VGLL4: variants seen among roughly 807,000 people sequenced by gnomAD.
The protein encoded by VGLL4 is transcription cofactor vestigial-like protein 4.
VGLL4 carries 7 observed loss-of-function variants against 21.0 expected under a neutral mutation model. The ratio of observed to expected loss-of-function variants is 0.33; its 90% CI spans 0.19 to 0.63. The LOEUF (loss-of-function observed/expected upper bound fraction) is 0.63, where lower values mean the gene tolerates loss of function less well. VGLL4 is among the 20% of genes least tolerant of loss of function. The pLI, the probability that VGLL4 is intolerant of heterozygous loss-of-function variation, is 0.78. For synonymous variants in VGLL4, 222 were observed against 173.2 expected (o/e 1.28, Z -2.21); for missense variants, 394 against 425.7 (o/e 0.93, Z 0.66).
intron 3 of VGLL4, among the ~76,000 whole-genome samples, chr3:11,564,336 C>T (rs911679581): frequency 2.6e-5 from 4 of 152,174 alleles, no homozygotes; most frequent in African/African-American, 9.7e-5. Context: ...CTGTGCAGGA[C>T]CCCAGCCCAA....
intron 2 of VGLL4, among the ~76,000 whole-genome samples, chr3:11,668,852 C>T (rs2076164205): frequency 6.6e-6 from 1 of 152,158 alleles, no homozygotes; most frequent in South Asian, 2.1e-4. Flanking sequence ...ACTAACCATC[C>T]CATTACCTGT....
chr3:11,558,375 T>G lies in VGLL4; in HGVS notation c.*181A>C. ...CTGCTATCATGTTTGAGGGCCCCCT[T>G]GTACGGATACCAAGCAAGTACAAAA... On this transcript the variant is annotated 3_prime_UTR_variant, in exon 5 of 5. Transcript: ENST00000430365. The G allele has an allele frequency of 9.7e-7, 1 of 1,027,304 alleles. No homozygotes were observed. The highest frequency in any genetic ancestry group is 1.7e-5 in the South Asian group (1 of 58,130). 63.6% of individuals were successfully genotyped at this position (1,027,304 alleles called of 1,614,324 possible).
At chr3:11,704,800 T>C (rs905423682) in intron 1 of VGLL4, among the ~76,000 whole-genome samples, 10 of 152,086 alleles carry the variant, frequency 6.6e-5, no homozygotes, top group Admixed American at 3.9e-4. Context: ...AAAACGCATC[T>C]CAGGGAACAT....
At chr3:11,561,385 C>T (rs1378508602) in intron 3 of VGLL4, among the ~76,000 whole-genome samples, 1 of 152,204 alleles carries the variant, frequency 6.6e-6, no homozygotes, top group Non-Finnish European at 1.5e-5. Flanking sequence ...TATCAGACCA[C>T]CTTCAGGGCA....
At chr3:11,573,353 A>G (rs1003250909) in intron 2 of VGLL4, among the ~76,000 whole-genome samples, 107 of 100,874 alleles carry the variant, frequency 1.1e-3, no homozygotes, top group African/African-American at 2.7e-3. Context: ...GAAAGAAAGA[A>G]AGAAAGAAAG....
intron 2 of VGLL4, among the ~76,000 whole-genome samples, chr3:11,701,270 T>C (rs1435958527): frequency 6.6e-6 from 1 of 152,190 alleles, no homozygotes; most frequent in Non-Finnish European, 1.5e-5. Flanking sequence ...CTCTTCCTCT[T>C]TCTTGCCCTT....
rs1356001608 is a variant in VGLL4 at position 11,653,718 on chromosome 3, T to C, written c.64+49253A>G. 6.6e-6 allele frequency among the ~76,000 whole-genome samples: 1 copy of C among 152,230 alleles called. No homozygotes were observed. The highest frequency in any genetic ancestry group is 1.5e-5 in the Non-Finnish European group (1 of 68,034). ...GCCAAATAGTTTTCCACAGCAGTTGTACCCGTTTATACTCCTACCAGCAGG... is the reference window on the plus strand; with the variant it reads ...GCCAAATAGTTTTCCACAGCAGTTGCACCCGTTTATACTCCTACCAGCAGG... On this transcript the variant is annotated intron_variant, in intron 2 of 5. Transcript: ENST00000273038. The surrounding 1 kb of genome is among the most constrained non-coding windows in gnomAD (Gnocchi z 4.2).
intron 2 of VGLL4, among the ~76,000 whole-genome samples, chr3:11,649,584 T>G (rs2075839166): frequency 1.3e-5 from 2 of 152,216 alleles, no homozygotes; most frequent in African/African-American, 4.8e-5. Flanking sequence ...AGCTTACATA[T>G]CTCATGATAT....
intron 2 of VGLL4, among the ~76,000 whole-genome samples, chr3:11,700,602 C>T (rs2076668122): frequency 6.6e-6 from 1 of 152,124 alleles, no homozygotes; most frequent in African/African-American, 2.4e-5. Context: ...TCCTCCTAAT[C>T]CTCATCAGAT....
chr3:11,710,276 C>T (rs1444037304), intron 1 of VGLL4, among the ~76,000 whole-genome samples: 1 of 152,156 alleles, frequency 6.6e-6, no homozygotes, highest in Non-Finnish European at 1.5e-5. Context: ...GGGAACAGCA[C>T]TGTGGGGTAT....
chr3:11,589,489 T>A (rs13078952), intron 2 of VGLL4, among the ~76,000 whole-genome samples: 78,909 of 152,058 alleles, frequency 0.52, 22,895 homozygotes, highest in Non-Finnish European at 0.68. Flanking sequence ...AGTCTGAAGG[T>A]TTGTGATAAG....
At chr3:11,578,892 A>G (rs112126611) in intron 2 of VGLL4, among the ~76,000 whole-genome samples, 26,572 of 151,390 alleles carry the variant, frequency 0.18, 2,543 homozygotes, top group East Asian at 0.33. Flanking sequence ...TGGGACTACA[A>G]GCGCCCGCCA....
chr3:11,702,764 G>T, intron 2 of VGLL4: 1 of 306,366 alleles, frequency 3.3e-6, no homozygotes, highest in Non-Finnish European at 5.9e-6. Flanking sequence ...AAACAAACCA[G>T]TATCCATAGT....
intron 2 of VGLL4, among the ~76,000 whole-genome samples, chr3:11,601,244 G>A (rs989812680): frequency 2.6e-5 from 4 of 152,250 alleles, no homozygotes; most frequent in Non-Finnish European, 5.9e-5. Flanking sequence ...GACAGTGTCA[G>A]TGGCAGATCA....
chr3:11,664,193 G>A (rs976060329), intron 2 of VGLL4, among the ~76,000 whole-genome samples: 4 of 151,474 alleles, frequency 2.6e-5, no homozygotes, highest in African/African-American at 9.7e-5. Flanking sequence ...AGCCCAGATC[G>A]CACCACTGCA....
intron 2 of VGLL4, among the ~76,000 whole-genome samples, chr3:11,656,919 G>C (rs1162570613): frequency 6.6e-6 from 1 of 152,176 alleles, no homozygotes; most frequent in African/African-American, 2.4e-5. Context: ...AGGAAGGACT[G>C]ACCCGAGGAG....
rs1163546081 is a variant in VGLL4, at chr3:11,643,687, G to C, written c.-169C>G. ...CAAAAGTTAAAAAAAAAAAAATCAG[G>C]CACAAAAAAATCGAGCTCACACGAA... On this transcript the variant is annotated 5_prime_UTR_variant, in exon 1 of 5. Coordinates refer to ENST00000430365, the MANE Select transcript of VGLL4 (RefSeq NM_001128219.3). The C allele has an allele frequency of 7.0e-7, 1 of 1,429,536 alleles. No homozygotes were observed. Among genetic ancestry groups the C allele is most frequent in the Non-Finnish European group, 9.1e-7 (1 of 1,098,306 alleles). The allele number at this position is 1,429,536 out of a possible 1,614,324, so 88.6% of individuals were successfully genotyped here.
At chr3:11,654,846 A>C (rs2125346541) in intron 2 of VGLL4, among the ~76,000 whole-genome samples, 1 of 152,360 alleles carries the variant, frequency 6.6e-6, no homozygotes, top group South Asian at 2.1e-4. Flanking sequence ...ATTTTATTTC[A>C]TCACCAACAC....
intron 2 of VGLL4, among the ~76,000 whole-genome samples, chr3:11,667,466 G>C (rs989109239): frequency 1.3e-5 from 2 of 151,994 alleles, no homozygotes; most frequent in Non-Finnish European, 2.9e-5. Flanking sequence ...TTGACATATA[G>C]TATATGCTAT....
Sources: allele counts gnomAD v4.1 joint callset (sites outside exome capture counted in the v4.1 genomes callset), GRCh38; gene constraint gnomAD v4.1.1; non-coding constraint Gnocchi (gnomAD v3.1); transcripts MANE v1.5; gene names NCBI Gene and HGNC (gene_info 2026-07-23, HGNC 2026-07-21).